Variants in ADGRB3 observed in about 807,000 individuals in gnomAD.
ADGRB3 encodes brain-specific angiogenesis inhibitor 3.
Under a neutral mutation model 193.4 loss-of-function variants are expected in ADGRB3, and 37 were observed. The observed-to-expected ratio is 0.19, with a 90% CI of 0.15 to 0.25. The LOEUF is 0.25. Ranked by LOEUF, ADGRB3 falls within the 10% of genes least tolerant of loss-of-function variation. The pLI, the probability that ADGRB3 is intolerant of heterozygous loss-of-function variation, is 1.00. For missense variants in ADGRB3, 1,637 were observed against 1,852.9 expected, an observed-to-expected ratio of 0.88 and a Z score of 2.14; for synonymous variants, 690 against 644.2, an observed-to-expected ratio of 1.07 and a Z score of -1.08.
intron 19 of ADGRB3, among the ~76,000 whole-genome samples, chr6:69,238,820 TA>T (rs1159483544): frequency 1.3e-5 from 2 of 151,400 alleles, no homozygotes; most frequent in African/African-American, 4.8e-5. Flanking sequence ...TATGTTTAGT[TA>T]AAAAAAAGTG....
At chr6:69,327,999 T>G (rs533111781) in intron 22 of ADGRB3, 110 bp downstream of exon 22, 29 of 876,350 alleles carry the variant, frequency 3.3e-5, no homozygotes, top group Admixed American at 1.3e-4. Context: ...TTAACAATGG[T>G]AGAAATTGCA....
intron 8 of ADGRB3, among the ~76,000 whole-genome samples, chr6:68,958,678 TA>T (rs1050811380): frequency 2.7e-5 from 4 of 149,538 alleles, no homozygotes; most frequent in African/African-American, 4.9e-5. Context: ...CACATAAAAC[TA>T]AAAAAAAAAT....
At chr6:69,138,197 T>C (rs955864542) in intron 17 of ADGRB3, among the ~76,000 whole-genome samples, 1 of 152,222 alleles carries the variant, frequency 6.6e-6, no homozygotes, top group African/African-American at 2.4e-5. Flanking sequence ...GAAAAAAATT[T>C]TGGAGACTAG....
chr6:69,355,849 C>T lies in ADGRB3; in HGVS notation c.3584C>T (p.Ala1195Val). Residue 1195 changes from alanine (A) to valine (V), a missense_variant, in exon 28 of 32, where the codon GCC becomes GTC. By Grantham distance (64) the Ala-to-Val change is moderately conservative. Around this residue, in one of 7 missense-constraint regions of ADGRB3, gnomAD observed 116 missense variants for 168.1 expected, o/e 0.69. Transcript: ENST00000370598. ...MTDFEKDVDI[A>V]CRSVLHKDIG... ...GACTTTGAAAAGGATGTAGACATTG[C>T]CTGTCGATCAGGTAAGAATATTTAG... The T allele has an allele frequency of 1.2e-6, 2 of 1,605,844 alleles. No homozygotes were observed. Among genetic ancestry groups the T allele is most frequent in the Admixed American group, 3.3e-5 (2 of 59,756 alleles).
At chr6:68,859,758 C>G (rs1272152437) in intron 3 of ADGRB3, among the ~76,000 whole-genome samples, 2 of 152,056 alleles carry the variant, frequency 1.3e-5, no homozygotes, top group Non-Finnish European at 2.9e-5. Flanking sequence ...ATGGGAGCTA[C>G]AATTCAAGAT....
chr6:69,200,632 T>A (rs942503640), intron 17 of ADGRB3, among the ~76,000 whole-genome samples: 1 of 152,116 alleles, frequency 6.6e-6, no homozygotes, highest in African/African-American at 2.4e-5. Flanking sequence ...AAGCATCTGA[T>A]GGAAGCAGCT....
intron 3 of ADGRB3, among the ~76,000 whole-genome samples, chr6:68,904,113 G>GCT (rs1766479135): frequency 1.5e-5 from 1 of 67,038 alleles, no homozygotes; most frequent in Non-Finnish European, 3.9e-5. Context: ...AAGGAAGGAA[G>GCT]GGAGGGAGGG....
intron 17 of ADGRB3, among the ~76,000 whole-genome samples, chr6:69,089,158 G>T (rs148599004): frequency 6.6e-6 from 1 of 152,314 alleles, no homozygotes; most frequent in East Asian, 1.9e-4. Context: ...GTCATTTACA[G>T]GTTTCTACTA....
chr6:68,742,781 T>C (rs574687435), intron 3 of ADGRB3, among the ~76,000 whole-genome samples: 1 of 152,238 alleles, frequency 6.6e-6, no homozygotes, highest in Non-Finnish European at 1.5e-5. Context: ...TTCTAGATAT[T>C]GTTTTTCCTC....
intron 17 of ADGRB3, among the ~76,000 whole-genome samples, chr6:69,141,384 A>G (rs956709104): frequency 2.6e-5 from 4 of 152,176 alleles, no homozygotes; most frequent in East Asian, 1.9e-4. Flanking sequence ...CGGCCTCCCA[A>G]AGTGCTGGGA....
intron 8 of ADGRB3, among the ~76,000 whole-genome samples, chr6:68,969,362 A>G (rs547488901): frequency 1.3e-4 from 20 of 152,326 alleles, no homozygotes; most frequent in African/African-American, 4.3e-4. Flanking sequence ...TGAACCAACC[A>G]CAGATCAAAA....
chr6:68,666,697 T>C (rs1259735749), intron 3 of ADGRB3, among the ~76,000 whole-genome samples: 1 of 151,900 alleles, frequency 6.6e-6, no homozygotes, highest in Non-Finnish European at 1.5e-5. Flanking sequence ...AATTTTGTCA[T>C]TAACTATTTT....
intron 20 of ADGRB3, among the ~76,000 whole-genome samples, chr6:69,306,242 A>G (rs766172952): frequency 6.6e-6 from 1 of 151,508 alleles, no homozygotes. Context: ...ACGCATCACC[A>G]TCATAAAATT....
Position 69,263,080 on chromosome 6 carries a change from A to G in ADGRB3, c.2814+23854A>G, listed in dbSNP as rs78810525. Among the ~76,000 whole-genome samples the G allele has an allele frequency of 5.2e-4, 79 of 152,128 alleles. No homozygotes were observed. The East Asian group carries it at 0.014, about 27-fold the overall frequency. Reference sequence around the variant, plus strand: ...CAAAATTGAGGTTACCTGTAGGTATAATTTATCTTCATTAAAAAGTGGCTC... The same window carrying G: ...CAAAATTGAGGTTACCTGTAGGTATGATTTATCTTCATTAAAAAGTGGCTC... On this transcript the variant is annotated intron_variant, in intron 20 of 31. Coordinates refer to ENST00000370598, the MANE Select transcript of ADGRB3 (RefSeq NM_001704.3).
intron 17 of ADGRB3, among the ~76,000 whole-genome samples, chr6:69,214,083 A>G (rs1261732017): frequency 6.6e-6 from 1 of 152,116 alleles, no homozygotes; most frequent in Non-Finnish European, 1.5e-5. Context: ...TATTAAGGAA[A>G]GTTTTACAGA....
chr6:68,909,476 G>T (rs541569223), intron 3 of ADGRB3, among the ~76,000 whole-genome samples: 1 of 152,152 alleles, frequency 6.6e-6, no homozygotes, highest in South Asian at 2.1e-4. Context: ...AAATAAAAAG[G>T]TTTATTCCAC....
rs1582363909 is a variant in ADGRB3 at position 68,975,309 on chromosome 6, T to C, written c.1703T>C (p.Ile568Thr). 1 of 1,613,976 alleles carries C rather than the reference T, an allele frequency of 6.2e-7. No individual in the cohort carries two copies. The highest frequency in any genetic ancestry group is 8.5e-7 in the Non-Finnish European group (1 of 1,179,890). ...GAACAGCCGAGCTTTGCAAGATGCA[T>C]ATCAAATGAGTACAGACACTTGCAG... Reference protein sequence around the residue: ...FWEQPSFARCISNEYRHLQHS... With the variant: ...FWEQPSFARCTSNEYRHLQHS... Residue 568 changes from isoleucine to threonine, a missense_variant, in exon 10 of 32, where the codon ATA becomes ACA. This residue lies in a region of ADGRB3 where 641 missense variants were observed against 673.9 expected (regional missense o/e 0.95). Transcript: ENST00000370598.
intron 3 of ADGRB3, among the ~76,000 whole-genome samples, chr6:68,673,080 A>G (rs1769006508): frequency 1.3e-5 from 2 of 151,916 alleles, no homozygotes; most frequent in African/African-American, 2.4e-5. Flanking sequence ...GTTTGTTTGC[A>G]TCTGTCTGTG....
At chr6:69,233,107 C>T (rs753599846) in intron 17 of ADGRB3, 183 bp from the exon 18 acceptor site, 18 of 865,356 alleles carry the variant, frequency 2.1e-5, no homozygotes, top group Middle Eastern at 3.8e-4. Context: ...CTTTTTCCCA[C>T]TCTCGCTTTG....
Sources: allele counts gnomAD v4.1 joint callset (sites outside exome capture counted in the v4.1 genomes callset), GRCh38; gene constraint gnomAD v4.1.1; regional missense constraint gnomAD v4.1.1; transcripts MANE v1.5; gene names NCBI Gene and HGNC (gene_info 2026-07-23, HGNC 2026-07-21).